The following DPP10 variants were observed in gnomAD, a reference collection of about 807,000 sequenced individuals.
DPP10 encodes the protein inactive dipeptidyl peptidase 10.
A neutral mutation model predicts 120.9 loss-of-function variants in DPP10; 33 were observed. The ratio of observed to expected loss-of-function variants is 0.27; its 90% CI spans 0.21 to 0.37. DPP10 has a LOEUF of 0.37. Among genes scored for constraint, DPP10 ranks in the 10% least tolerant of loss-of-function variants. The pLI is 1.00. For synonymous variants in DPP10, 337 were observed against 326.1 expected (o/e 1.03, Z -0.36); for missense variants, 816 against 942.8 (o/e 0.87, Z 1.76).
chr2:115,830,573 C>T (rs13410256), intron 21 of DPP10, among the ~76,000 whole-genome samples: 61,492 of 151,830 alleles, frequency 0.41, 13,328 homozygotes, highest in Middle Eastern at 0.55. Flanking sequence ...TCTTTCTTTA[C>T]TGAATTTAGT....
At chr2:114,944,806 T>C (rs868379786) in intron 1 of DPP10, among the ~76,000 whole-genome samples, 5 of 152,214 alleles carry the variant, frequency 3.3e-5, no homozygotes, top group Non-Finnish European at 5.9e-5. Flanking sequence ...TTGTTAGACT[T>C]GATTTTTTAA....
At chr2:114,504,626 A>G (rs1573512925) in intron 1 of DPP10, among the ~76,000 whole-genome samples, 1 of 152,134 alleles carries the variant, frequency 6.6e-6, no homozygotes, top group African/African-American at 2.4e-5. Context: ...GCTTGCATTC[A>G]TTGAGACTCC....
rs553222168 is a variant in DPP10 at position 115,832,569 on chromosome 2, T to G, written c.1951-3588T>G. Among the ~76,000 whole-genome samples the G allele has an allele frequency of 3.3e-5, 5 of 152,360 alleles. No individual in the cohort carries two copies. The East Asian group carries it at 9.6e-4, about 29-fold the overall frequency. ...TTAAAGAAGCATTTGTGGTTCAATT[T>G]TAAATGCTATAAATAGAATTTTATT... On this transcript the variant is annotated intron_variant, in intron 21 of 25. Transcript: ENST00000410059.
At chr2:114,804,367 G>A (rs900770665) in intron 1 of DPP10, among the ~76,000 whole-genome samples, 1 of 150,760 alleles carries the variant, frequency 6.6e-6, no homozygotes, top group Non-Finnish European at 1.5e-5. Flanking sequence ...CTGGGTCACT[G>A]CCTGGTGGAG....
At chr2:115,195,514 C>G (rs1226153979) in intron 1 of DPP10, among the ~76,000 whole-genome samples, 1 of 152,216 alleles carries the variant, frequency 6.6e-6, no homozygotes, top group East Asian at 1.9e-4. Flanking sequence ...TTCACACTCT[C>G]AAGCCTGCTT....
At chr2:115,100,588 A>G (rs763538518) in intron 1 of DPP10, among the ~76,000 whole-genome samples, 10 of 151,942 alleles carry the variant, frequency 6.6e-5, no homozygotes, top group South Asian at 2.1e-4. Flanking sequence ...GTGTGTGTGT[A>G]TATATGTATC....
At chr2:115,286,526 A>ATATATATATAACATAT (rs10675008) in intron 1 of DPP10, among the ~76,000 whole-genome samples, 1 of 60,946 alleles carries the variant, frequency 1.6e-5, no homozygotes, top group Non-Finnish European at 3.3e-5. Context: ...ATATATATAT[A>ATATATATATAACATAT]ATATATATAT....
At chr2:115,415,618 A>G (rs542378784) in intron 3 of DPP10, among the ~76,000 whole-genome samples, 120 of 152,118 alleles carry the variant, frequency 7.9e-4, no homozygotes, top group African/African-American at 2.6e-3. Flanking sequence ...CAAGATTTCT[A>G]TCAACTGCAG....
intron 1 of DPP10, among the ~76,000 whole-genome samples, chr2:114,950,655 T>A (rs886178510): frequency 5.3e-5 from 8 of 152,026 alleles, no homozygotes; most frequent in Admixed American, 5.2e-4. Context: ...ATCTTCACAG[T>A]GTACTTATAG....
At chr2:115,840,627 T>G in intron 24 of DPP10, 123 bp from the exon 25 acceptor site, 1 of 1,004,466 alleles carries the variant, frequency 1.0e-6, no homozygotes, top group Non-Finnish European at 1.5e-6. Context: ...CCCAGCCAGA[T>G]ATAAGTCTTT....
chr2:115,550,876 A>G (rs2079830515), intron 5 of DPP10, among the ~76,000 whole-genome samples: 1 of 152,200 alleles, frequency 6.6e-6, no homozygotes, highest in Non-Finnish European at 1.5e-5. Flanking sequence ...TGAACTCCGT[A>G]GTAGTAATCT....
At chr2:115,583,928 A>C (rs1472218573) in intron 5 of DPP10, among the ~76,000 whole-genome samples, 2 of 152,120 alleles carry the variant, frequency 1.3e-5, no homozygotes, top group Admixed American at 6.5e-5. Flanking sequence ...TCTGAGGAGG[A>C]TTTCCCTAGG....
chr2:115,187,868 A>T (rs568394854), intron 1 of DPP10, among the ~76,000 whole-genome samples: 8 of 152,192 alleles, frequency 5.3e-5, no homozygotes, highest in African/African-American at 9.6e-5. Context: ...CAAACAAAAA[A>T]ATTAGCAGGG....
intron 1 of DPP10, among the ~76,000 whole-genome samples, chr2:115,108,001 C>G (rs545085975): frequency 6.6e-6 from 1 of 152,172 alleles, no homozygotes; most frequent in African/African-American, 2.4e-5. Context: ...TAAAATTAAT[C>G]TTTTCAGAAT....
At chr2:115,323,875 T>C (rs771656077) in intron 2 of DPP10, among the ~76,000 whole-genome samples, 1 of 152,160 alleles carries the variant, frequency 6.6e-6, no homozygotes, top group Non-Finnish European at 1.5e-5. Context: ...GCTTTGTTGT[T>C]TCATTTATAA....
intron 21 of DPP10, among the ~76,000 whole-genome samples, chr2:115,828,510 G>T (rs1299080321): frequency 6.6e-6 from 1 of 151,958 alleles, no homozygotes; most frequent in Non-Finnish European, 1.5e-5. Flanking sequence ...GCTACTTGAA[G>T]TTGTCCCCAA....
At chr2:115,702,703 G>C (rs1193211571) in intron 7 of DPP10, among the ~76,000 whole-genome samples, 1 of 152,088 alleles carries the variant, frequency 6.6e-6, no homozygotes, top group Non-Finnish European at 1.5e-5. Context: ...GAAGGATTGA[G>C]GGATCAGGGA....
chr2:114,920,785 T>G (rs1695144578), intron 1 of DPP10, among the ~76,000 whole-genome samples: 1 of 152,202 alleles, frequency 6.6e-6, no homozygotes, highest in Non-Finnish European at 1.5e-5. Flanking sequence ...TTTATATTTT[T>G]GAGAATTCTA....
intron 3 of DPP10, chr2:115,468,071 G>A (rs1457497449): frequency 4.7e-5 from 20 of 425,456 alleles, no homozygotes; most frequent in Non-Finnish European, 7.3e-5. Flanking sequence ...TGGAACCTGC[G>A]ATGTCTTGAA....
Sources: allele counts gnomAD v4.1 joint callset (sites outside exome capture counted in the v4.1 genomes callset), GRCh38; gene constraint gnomAD v4.1.1; transcripts MANE v1.5; gene names NCBI Gene and HGNC (gene_info 2026-07-23, HGNC 2026-07-21).